The following SNX9 variants were observed in gnomAD, a reference collection of about 807,000 sequenced individuals.
The protein encoded by SNX9 is sorting nexin 9.
A neutral mutation model predicts 89.4 loss-of-function variants in SNX9; 44 were observed. That is an observed-to-expected ratio of 0.49 (90% CI 0.39 to 0.63). SNX9 has a LOEUF of 0.63. Among genes scored for constraint, SNX9 ranks in the 30% least tolerant of loss-of-function variants. The probability of loss-of-function intolerance (pLI) is 0.00; values close to 1 mark genes in which losing one functional copy is unlikely to be tolerated. For synonymous variants in SNX9, 236 were observed against 247.8 expected (o/e 0.95, Z 0.45); for missense variants, 578 against 736.1 (o/e 0.79, Z 2.49).
chr6:157,884,892 A>G lies in SNX9; in HGVS notation c.300+9716A>G, dbSNP rs116950209. On this transcript the variant is annotated intron_variant, in intron 4 of 17. Transcript: ENST00000392185. ...TTTTTTTAACCTTAAAACTGCAGTG[A>G]TGAAGGACCAGCCAGCATTGTTATA... is the stretch of plus-strand genomic sequence containing the variant. Among the ~76,000 whole-genome samples, 918 of 152,256 alleles carry G rather than the reference A, an allele frequency of 6.0e-3. 3 individuals carry two copies. Among genetic ancestry groups the G allele is most frequent in the Non-Finnish European group, 1.0e-2 (680 of 68,026 alleles).
At chr6:157,828,812 C>T (rs562997261) in intron 1 of SNX9, among the ~76,000 whole-genome samples, 3 of 152,258 alleles carry the variant, frequency 2.0e-5, no homozygotes, top group East Asian at 1.9e-4. Context: ...ATCACTTCCC[C>T]GGGAAAGCCT....
At chr6:157,940,273 A>AC (rs1179093845) in intron 16 of SNX9, among the ~76,000 whole-genome samples, 2 of 152,186 alleles carry the variant, frequency 1.3e-5, no homozygotes, top group African/African-American at 4.8e-5. Flanking sequence ...AACAAATATG[A>AC]CCAAGTATTT....
Position 157,836,651 on chromosome 6 carries a change from C to T in SNX9, c.12+13205C>T, listed in dbSNP as rs954772992. On this transcript the variant is annotated intron_variant, in intron 1 of 17. Transcript: ENST00000392185. Reference sequence around the variant, plus strand: ...TCTCGCCCAGGCTGGAGTGCAGTGGCGCGATCTCAGCTCACTGCAAACTCC... The same window carrying T: ...TCTCGCCCAGGCTGGAGTGCAGTGGTGCGATCTCAGCTCACTGCAAACTCC... 3.3e-5 allele frequency among the ~76,000 whole-genome samples: 5 copies of T among 151,324 alleles called. No homozygotes were observed. In the East Asian group the frequency reaches 5.9e-4, roughly 18 times the overall value.
At position 157,910,001 on chromosome 6, in the gene SNX9, T is replaced by G; in HGVS notation, c.925T>G (p.Ser309Ala). ...GTTTGGGTCAGCCATTCCAATCCCT[T>G]CTCTTCCAGACAAACAAGTCACAGG... Reference protein sequence around the residue: ...VKFGSAIPIPSLPDKQVTGRF... With the variant: ...VKFGSAIPIPALPDKQVTGRF... Residue 309 changes from serine (S) to alanine (A), a missense_variant, in exon 9 of 18, where the codon TCT becomes GCT. Ser to Ala is a moderately conservative substitution (Grantham distance 99). This residue lies in a region of SNX9 where 348 missense variants were observed against 491.4 expected (regional missense o/e 0.71). Coordinates refer to ENST00000392185, the MANE Select transcript of SNX9 (RefSeq NM_016224.5). 5 of 1,614,016 alleles carry G rather than the reference T, an allele frequency of 3.1e-6. No homozygotes were observed. Among genetic ancestry groups the G allele is most frequent in the Non-Finnish European group, 4.2e-6 (5 of 1,179,904 alleles).
intron 1 of SNX9, among the ~76,000 whole-genome samples, chr6:157,845,421 TAACTGTTGTCTC>T (rs1781789569): frequency 6.6e-6 from 1 of 152,194 alleles, no homozygotes; most frequent in Non-Finnish European, 1.5e-5. Flanking sequence ...CCATTTGTCT[TAACTGTTGTCTC>T]ACTTACACTT....
Position 157,879,493 on chromosome 6 carries a change from CTCT to C in SNX9, c.300+4320_300+4322del, listed in dbSNP as rs367877183. Among the ~76,000 whole-genome samples, 921 of 152,316 alleles carry C rather than the reference CTCT, an allele frequency of 6.0e-3. 6 individuals are homozygous for C. Among genetic ancestry groups the C allele is most frequent in the African/African-American group, 0.02 (842 of 41,562 alleles). The stretch of plus-strand genomic sequence containing the variant: ...GGATACCCAGGAACTGAATCAAACT[CTCT>C]TCATTTTCTTATTCAAATACAGATT... On this transcript the variant is annotated intron_variant, in intron 4 of 17. Coordinates refer to ENST00000392185, the MANE Select transcript of SNX9 (RefSeq NM_016224.5).
intron 4 of SNX9, among the ~76,000 whole-genome samples, chr6:157,878,044 C>T (rs558939379): frequency 6.6e-6 from 1 of 152,260 alleles, no homozygotes; most frequent in African/African-American, 2.4e-5. Context: ...AATGTATAAC[C>T]TACTATGTAA....
chr6:157,823,561 C>G lies in SNX9; in HGVS notation c.12+115C>G. On this transcript the variant is annotated intron_variant, in intron 1 of 17. Transcript: ENST00000392185. This position sits in a 1 kb window ranked among gnomAD's most constrained non-coding sequence, Gnocchi z 4.6. ...GCCAGGGGTGGTCGAGGGGCCACTC[C>G]GCTTCCTCGGTGGAGTCCCCGGGCG... 2.2e-6 allele frequency: 2 copies of G among 924,534 alleles called. No homozygotes were observed. The highest frequency in any genetic ancestry group is 2.7e-6 in the Non-Finnish European group (2 of 732,606). The allele number at this position is 924,534 out of a possible 1,614,324, so 57.3% of individuals were successfully genotyped here. A position where few individuals can be genotyped will look rare whatever the true frequency, so the allele number is the denominator to read the frequency against.
chr6:157,863,977 T>C (rs185077732), intron 1 of SNX9, among the ~76,000 whole-genome samples: 10 of 152,334 alleles, frequency 6.6e-5, no homozygotes, highest in Non-Finnish European at 1.2e-4. Context: ...ATTCAGTGTT[T>C]TAGATAAACT....
chr6:157,882,445 C>A (rs891102028), intron 4 of SNX9, among the ~76,000 whole-genome samples: 1 of 152,218 alleles, frequency 6.6e-6, no homozygotes, highest in South Asian at 2.1e-4. Context: ...GTAATTTTGA[C>A]TTCTAAGTCC....
rs115426227 is a variant in SNX9 at position 157,901,795 on chromosome 6, T to G, written c.473-103T>G. ...ACCCTTTTCTCCATCAAAAAAAAAT[T>G]GATTTGCCCAGTAGGTAGTTACTGT... is the stretch of plus-strand genomic sequence containing the variant. On this transcript the variant is annotated intron_variant, in intron 5 of 17. Coordinates refer to ENST00000392185, the MANE Select transcript of SNX9 (RefSeq NM_016224.5). 6 of 1,388,474 alleles carry G rather than the reference T, an allele frequency of 4.3e-6. No individual in the cohort carries two copies. The African/African-American group carries it at 7.3e-5, about 17-fold the overall frequency. The allele number at this position is 1,388,474 out of a possible 1,614,324, so 86.0% of individuals were successfully genotyped here. A position where few individuals can be genotyped will look rare whatever the true frequency, so the allele number is the denominator to read the frequency against.
intron 4 of SNX9, among the ~76,000 whole-genome samples, chr6:157,887,558 TC>T (rs1483135186): frequency 1.3e-5 from 2 of 152,126 alleles, no homozygotes; most frequent in Non-Finnish European, 2.9e-5. Context: ...CTGGAGAGTC[TC>T]TCCACGCAGT....
At chr6:157,856,926 GA>G (rs889953935) in intron 1 of SNX9, among the ~76,000 whole-genome samples, 1 of 151,814 alleles carries the variant, frequency 6.6e-6, no homozygotes, top group South Asian at 2.1e-4. Flanking sequence ...TTTGGGGATT[GA>G]AAAAAATGAT....
chr6:157,844,811 T>G (rs1781773634), intron 1 of SNX9, among the ~76,000 whole-genome samples: 1 of 152,076 alleles, frequency 6.6e-6, no homozygotes, highest in African/African-American at 2.4e-5. Flanking sequence ...GTCAGGCTGG[T>G]CTTGAACTCC....
intron 1 of SNX9, among the ~76,000 whole-genome samples, chr6:157,843,307 T>G (rs1781739290): frequency 6.6e-6 from 1 of 152,192 alleles, no homozygotes; most frequent in South Asian, 2.1e-4. Flanking sequence ...AGTATAACTT[T>G]CGACTCCCCC....
chr6:157,846,044 G>C (rs1296696390), intron 1 of SNX9, among the ~76,000 whole-genome samples: 1 of 152,182 alleles, frequency 6.6e-6, no homozygotes, highest in Admixed American at 6.5e-5. Flanking sequence ...GGTGAGAGGC[G>C]CCCGTCCTGC....
intron 1 of SNX9, among the ~76,000 whole-genome samples, chr6:157,833,581 A>G (rs1328487): frequency 3.2e-3 from 487 of 152,346 alleles, no homozygotes; most frequent in Non-Finnish European, 4.8e-3. Context: ...CTGAACAACT[A>G]GCACTGAATC....
In SNX9 at chr6:157,823,594, G is replaced by T; in HGVS notation, c.12+148G>T. On this transcript the variant is annotated intron_variant, in intron 1 of 17. Transcript: ENST00000392185. The surrounding 1 kb of genome is among the most constrained non-coding windows in gnomAD (Gnocchi z 4.6). The stretch of plus-strand genomic sequence containing the variant: ...CGGTGGAGTCCCCGGGCGGGTCCGC[G>T]GCCCAGCCAGTCCCTTCTGGGCATG... The T allele has an allele frequency of 3.4e-6, 2 of 595,352 alleles. No homozygotes were observed. Among genetic ancestry groups the T allele is most frequent in the Non-Finnish European group, 4.6e-6 (2 of 439,078 alleles). 36.9% of individuals were successfully genotyped at this position (595,352 alleles called of 1,614,324 possible).
At chr6:157,845,355 C>T (rs936459060) in intron 1 of SNX9, among the ~76,000 whole-genome samples, 1 of 152,138 alleles carries the variant, frequency 6.6e-6, no homozygotes, top group African/African-American at 2.4e-5. Context: ...AGGTGGTCTG[C>T]CTGCCTTGGC....
Sources: allele counts gnomAD v4.1 joint callset (sites outside exome capture counted in the v4.1 genomes callset), GRCh38; gene constraint gnomAD v4.1.1; regional missense constraint gnomAD v4.1.1; non-coding constraint Gnocchi (gnomAD v3.1); transcripts MANE v1.5; gene names NCBI Gene and HGNC (gene_info 2026-07-23, HGNC 2026-07-21).